Variants in KIF4A observed in about 807,000 individuals in gnomAD.
The protein encoded by KIF4A is kinesin family member 4A.
KIF4A carries 7 observed loss-of-function variants against 105.9 expected under a neutral mutation model. That is an observed-to-expected ratio of 0.07 (90% confidence interval 0.04 to 0.12). The LOEUF is 0.12. KIF4A is among the 10% of genes least tolerant of loss of function. KIF4A has a pLI of 1.00. For missense variants in KIF4A, 558 were observed against 929.2 expected (o/e 0.60, Z 5.19); for synonymous variants, 281 against 331.3 (o/e 0.85, Z 1.65).
chrX:70,386,713 C>T lies in KIF4A; in HGVS notation c.2118+12C>T, dbSNP rs772512969. ...GTAAAACGGAGGAGGTAAGAAAATT[C>T]AATCTGCTAGGTCAAGTGTATTGTC... On this transcript the variant is annotated intron_variant, in intron 19 of 30. Coordinates refer to ENST00000374403, the MANE Select transcript of KIF4A (RefSeq NM_012310.5). The T allele has an allele frequency of 6.2e-6, 7 of 1,131,110 alleles. No individual in the cohort carries two copies. The East Asian group carries it at 2.1e-4, about 34-fold the overall frequency. 93.2% of individuals were successfully genotyped at this position (1,131,110 alleles called of 1,213,427 possible). A position where few individuals can be genotyped will look rare whatever the true frequency, so the allele number is the denominator to read the frequency against.
chrX:70,332,063 G>C (rs899277738), intron 9 of KIF4A, among the ~76,000 whole-genome samples: 1 of 112,213 alleles, frequency 8.9e-6, no homozygotes, highest in South Asian at 3.7e-4. Context: ...GAGGATACCA[G>C]ACAACTAAGT....
chrX:70,407,205 T>C, intron 28 of KIF4A, 130 bp downstream of exon 28: 1 of 701,534 alleles, frequency 1.4e-6, no homozygotes. Flanking sequence ...CCTCCCAAGT[T>C]CAAGTAATTC....
chrX:70,419,930 GT>G (rs1263915120), intron 30 of KIF4A, 131 bp from the exon 31 acceptor site: 1 of 1,007,250 alleles, frequency 9.9e-7, no homozygotes, highest in Non-Finnish European at 1.4e-6. Flanking sequence ...CTCTAGTCTG[GT>G]TTTTTCCATA....
chrX:70,369,712 T>TA (rs1336567565), intron 15 of KIF4A, among the ~76,000 whole-genome samples: 1 of 111,675 alleles, frequency 9.0e-6, no homozygotes, highest in Non-Finnish European at 1.9e-5. Context: ...CTAATTAAGT[T>TA]AAAAATGGCA....
chrX:70,342,766 C>T (rs1332248571), intron 11 of KIF4A, among the ~76,000 whole-genome samples: 2 of 112,088 alleles, frequency 1.8e-5, no homozygotes, highest in Non-Finnish European at 3.8e-5. Context: ...TTTTTATATA[C>T]AGTTTTCTGT....
At chrX:70,367,528 A>G (rs1198903500) in intron 15 of KIF4A, among the ~76,000 whole-genome samples, 1 of 111,814 alleles carries the variant, frequency 8.9e-6, no homozygotes, top group East Asian at 2.8e-4. Flanking sequence ...TTGACTGGAT[A>G]TGAAATTCTG....
At chrX:70,348,560 C>G (rs765431727) in intron 13 of KIF4A, among the ~76,000 whole-genome samples, 2 of 110,737 alleles carry the variant, frequency 1.8e-5, no homozygotes, top group Admixed American at 9.6e-5. Context: ...TGACTCTTAA[C>G]GAGCATGCTG....
intron 7 of KIF4A, among the ~76,000 whole-genome samples, chrX:70,312,733 G>A (rs1243894160): frequency 2.7e-5 from 3 of 111,468 alleles, no homozygotes; most frequent in Non-Finnish European, 5.7e-5. Context: ...TATCTAAAAA[G>A]ATATATTTAA....
intron 18 of KIF4A, among the ~76,000 whole-genome samples, chrX:70,384,032 T>G (rs917730149): frequency 4.8e-4 from 53 of 111,493 alleles, no homozygotes; most frequent in Non-Finnish European, 8.5e-4. Context: ...TTTAAATGAG[T>G]GAATTGTATG....
At chrX:70,326,228 T>C (rs2085910399) in intron 7 of KIF4A, among the ~76,000 whole-genome samples, 1 of 112,276 alleles carries the variant, frequency 8.9e-6, no homozygotes, top group Admixed American at 9.4e-5. Flanking sequence ...TGTGGCACCG[T>C]TAATATTTTG....
At chrX:70,318,091 T>G (rs747230994) in intron 7 of KIF4A, among the ~76,000 whole-genome samples, 1 of 111,082 alleles carries the variant, frequency 9.0e-6, no homozygotes, top group South Asian at 3.8e-4. Context: ...TTGACCAGGC[T>G]GGTCTTGAAC....
At position 70,413,872 on chromosome X, in the gene KIF4A, A is replaced by C. The variant is rs556566913; in HGVS notation, c.3256-4016A>C. On this transcript the variant is annotated intron_variant, in intron 28 of 30. Transcript: ENST00000374403. ...CCTAAACAGTGAAGAGCAAGTCAGGAAAAGCATCAGAAGAACATTTCAGGA... is the reference window on the plus strand; with the variant it reads ...CCTAAACAGTGAAGAGCAAGTCAGGCAAAGCATCAGAAGAACATTTCAGGA... Among the ~76,000 whole-genome samples, 158 of 111,291 alleles carry C rather than the reference A, an allele frequency of 1.4e-3. 2 individuals carry two copies. In the South Asian group the frequency reaches 0.058, roughly 41 times the overall value.
At chrX:70,325,602 A>G (rs866316163) in intron 7 of KIF4A, among the ~76,000 whole-genome samples, 1 of 110,429 alleles carries the variant, frequency 9.1e-6, no homozygotes, top group Middle Eastern at 4.7e-3. Flanking sequence ...TTTTAATTTC[A>G]ATAGTTTCAG....
intron 20 of KIF4A, among the ~76,000 whole-genome samples, chrX:70,389,494 G>A (rs2086230199): frequency 8.9e-6 from 1 of 112,449 alleles, no homozygotes; most frequent in African/African-American, 3.2e-5. Context: ...CTTGAACCGG[G>A]GAGGCAGAGG....
At chrX:70,352,685 C>T in intron 14 of KIF4A, 29 bp downstream of exon 14, 2 of 1,047,345 alleles carry the variant, frequency 1.9e-6, no homozygotes, top group Admixed American at 2.3e-5. Flanking sequence ...TGTGTAGAAC[C>T]AGGAGCTCTA....
intron 18 of KIF4A, among the ~76,000 whole-genome samples, chrX:70,378,038 G>GA (rs1165848995): frequency 8.9e-6 from 1 of 112,197 alleles, no homozygotes; most frequent in African/African-American, 3.2e-5. Flanking sequence ...CAAATATGAA[G>GA]AAATTAACAT....
intron 15 of KIF4A, among the ~76,000 whole-genome samples, chrX:70,365,779 C>T (rs1338402478): frequency 1.8e-5 from 2 of 111,560 alleles, no homozygotes; most frequent in Non-Finnish European, 3.8e-5. Flanking sequence ...GGGAGGATTC[C>T]CTCTTTTTCT....
chrX:70,414,773 T>C (rs1353253573), intron 28 of KIF4A, among the ~76,000 whole-genome samples: 1 of 111,773 alleles, frequency 8.9e-6, no homozygotes, highest in Non-Finnish European at 1.9e-5. Context: ...TAGAAACTAT[T>C]ATCACCTCAG....
intron 15 of KIF4A, among the ~76,000 whole-genome samples, chrX:70,366,165 G>A (rs1318533390): frequency 9.0e-6 from 1 of 111,402 alleles, no homozygotes; most frequent in Non-Finnish European, 1.9e-5. Context: ...CTTGCTAGCG[G>A]TCTATGAATT....
Sources: allele counts gnomAD v4.1 joint callset (sites outside exome capture counted in the v4.1 genomes callset), GRCh38; gene constraint gnomAD v4.1.1; transcripts MANE v1.5; gene names NCBI Gene and HGNC (gene_info 2026-07-23, HGNC 2026-07-21).